Variants in PTPRD observed in about 807,000 individuals in gnomAD.
The protein encoded by PTPRD is protein tyrosine phosphatase receptor type D, also known as receptor-type tyrosine-protein phosphatase delta.
PTPRD carries 34 observed loss-of-function variants against 214.5 expected under a neutral mutation model. The observed-to-expected ratio is 0.16, with a 90% CI of 0.12 to 0.21. The LOEUF (loss-of-function observed/expected upper bound fraction) is 0.21, where lower values mean the gene tolerates loss of function less well. Ranked by LOEUF, PTPRD falls within the 10% of genes least tolerant of loss-of-function variation. The pLI, the probability that PTPRD is intolerant of heterozygous loss-of-function variation, is 1.00. For missense variants in PTPRD, 2,545 were observed against 2,398.7 expected (o/e 1.06, Z -1.27); for synonymous variants, 1,128 against 845.7 (o/e 1.33, Z -5.79).
intron 5 of PTPRD, among the ~76,000 whole-genome samples, chr9:9,902,193 G>C (rs189228918): frequency 6.6e-6 from 1 of 151,402 alleles, no homozygotes; most frequent in South Asian, 2.1e-4. Context: ...TTGTGTGTAC[G>C]TGCATCAGCG....
Position 10,332,425 on chromosome 9 carries a change from G to A in PTPRD, c.-545+8538C>T, listed in dbSNP as rs541040819. Among the ~76,000 whole-genome samples the A allele has an allele frequency of 1.7e-4, 26 of 151,868 alleles. No individual in the cohort carries two copies. In the East Asian group the frequency reaches 4.3e-3, roughly 25 times the overall value. The stretch of plus-strand genomic sequence containing the variant: ...TCCTCAAAACAGCTTTCAGCAGTAG[G>A]AATTATCTTCACTTCCCTGATCATA... On this transcript the variant is annotated intron_variant, in intron 3 of 45. Coordinates refer to ENST00000381196, the MANE Select transcript of PTPRD (RefSeq NM_002839.4).
chr9:8,799,299 G>C (rs2096521933), intron 11 of PTPRD, among the ~76,000 whole-genome samples: 1 of 152,176 alleles, frequency 6.6e-6, no homozygotes, highest in African/African-American at 2.4e-5. Flanking sequence ...ATGCTAGAAA[G>C]TGTTTCAGTT....
intron 8 of PTPRD, among the ~76,000 whole-genome samples, chr9:9,501,080 G>GA (rs1488122309): frequency 6.6e-6 from 1 of 151,086 alleles, no homozygotes; most frequent in Non-Finnish European, 1.5e-5. Context: ...TTCAGGAGAG[G>GA]AAAAACAAGG....
chr9:8,913,472 C>G lies in PTPRD; in HGVS notation c.-104+105225G>C, dbSNP rs532935146. Among the ~76,000 whole-genome samples, 8 of 152,066 alleles carry G rather than the reference C, an allele frequency of 5.3e-5. No individual in the cohort carries two copies. The South Asian group carries it at 1.5e-3, about 28-fold the overall frequency. ...TTTATATCAAGCCTCAAAAATCAAGCAAAGTATATTATTTACAGATGAGGG... is the reference window on the plus strand; with the variant it reads ...TTTATATCAAGCCTCAAAAATCAAGGAAAGTATATTATTTACAGATGAGGG... On this transcript the variant is annotated intron_variant, in intron 11 of 45. Transcript: ENST00000381196.
Position 9,245,394 on chromosome 9 carries a change from A to G in PTPRD, c.-202-62031T>C, listed in dbSNP as rs191229876. Reference sequence around the variant, plus strand: ...CAAATTTCCAACAATGATAGACTGGATTAAGAAAATGTGGCACATATACAC... The same window carrying G: ...CAAATTTCCAACAATGATAGACTGGGTTAAGAAAATGTGGCACATATACAC... On this transcript the variant is annotated intron_variant, in intron 9 of 45. Transcript: ENST00000381196. 3.8e-3 allele frequency among the ~76,000 whole-genome samples: 580 copies of G among 152,274 alleles called. 6 individuals are homozygous for G. The highest frequency in any genetic ancestry group is 0.013 in the African/African-American group (538 of 41,574).
In PTPRD at chr9:9,371,863, G is replaced by A. The variant is rs548135601; in HGVS notation, c.-203+25586C>T. ...ACATCTTTATTTCTGTCTTCATTTCGTTATGTACCCAGTAGTCTTTCAGGA... is the reference window on the plus strand; with the variant it reads ...ACATCTTTATTTCTGTCTTCATTTCATTATGTACCCAGTAGTCTTTCAGGA... On this transcript the variant is annotated intron_variant, in intron 9 of 45. Coordinates refer to ENST00000381196, the MANE Select transcript of PTPRD (RefSeq NM_002839.4). 5.3e-5 allele frequency among the ~76,000 whole-genome samples: 8 copies of A among 152,130 alleles called. No individual in the cohort carries two copies. In the South Asian group the frequency reaches 8.3e-4, roughly 16 times the overall value.
At chr9:8,467,034 G>C (rs185589268) in intron 31 of PTPRD, among the ~76,000 whole-genome samples, 7 of 151,936 alleles carry the variant, frequency 4.6e-5, no homozygotes, top group Admixed American at 2.0e-4. Context: ...TGTTCAGCTG[G>C]TTCAAAATTG....
chr9:9,391,437 T>C (rs2065810762), intron 9 of PTPRD, among the ~76,000 whole-genome samples: 1 of 152,200 alleles, frequency 6.6e-6, no homozygotes. Flanking sequence ...ATTTCTATCA[T>C]GACATTACCT....
At chr9:9,216,948 C>T (rs1016202307) in intron 9 of PTPRD, among the ~76,000 whole-genome samples, 1 of 151,394 alleles carries the variant, frequency 6.6e-6, no homozygotes, top group East Asian at 1.9e-4. Context: ...CTATTATTTC[C>T]CACATTGGGC....
chr9:10,417,976 A>C (rs562500166), intron 2 of PTPRD, among the ~76,000 whole-genome samples: 13 of 151,884 alleles, frequency 8.6e-5, no homozygotes, highest in Admixed American at 5.3e-4. Flanking sequence ...TTATTTATGG[A>C]GTTTAACAGA....
intron 6 of PTPRD, among the ~76,000 whole-genome samples, chr9:9,765,982 G>T (rs2098704033): frequency 6.6e-6 from 1 of 152,162 alleles, no homozygotes; most frequent in African/African-American, 2.4e-5. Flanking sequence ...TTATATGTTA[G>T]TTCAAGCAAT....
chr9:8,896,400 T>C (rs965205972), intron 11 of PTPRD, among the ~76,000 whole-genome samples: 3 of 152,172 alleles, frequency 2.0e-5, no homozygotes, highest in African/African-American at 7.2e-5. Context: ...GTTCATTTGC[T>C]GAAACTAATA....
intron 11 of PTPRD, among the ~76,000 whole-genome samples, chr9:8,981,317 A>G (rs1005164131): frequency 5.3e-5 from 8 of 152,012 alleles, no homozygotes; most frequent in Non-Finnish European, 1.0e-4. Flanking sequence ...ATTTAAGGGG[A>G]TGTCTACACA....
chr9:9,039,611 G>A (rs2099633013), intron 10 of PTPRD, among the ~76,000 whole-genome samples: 1 of 152,190 alleles, frequency 6.6e-6, no homozygotes, highest in Non-Finnish European at 1.5e-5. Flanking sequence ...GAAACTGCCT[G>A]GTCTATAAAG....
intron 35 of PTPRD, among the ~76,000 whole-genome samples, chr9:8,419,299 G>T (rs55743439): frequency 0.051 from 7,541 of 148,438 alleles, 609 homozygotes; most frequent in African/African-American, 0.18. Flanking sequence ...AAAGTAAACA[G>T]AATTTTATTC....
chr9:9,817,746 G>A (rs922105348), intron 5 of PTPRD, among the ~76,000 whole-genome samples: 1 of 152,186 alleles, frequency 6.6e-6, no homozygotes, highest in Non-Finnish European at 1.5e-5. Context: ...TAACTGTCCT[G>A]ATACAAGGGT....
chr9:10,156,371 T>G (rs2099093674), intron 3 of PTPRD, among the ~76,000 whole-genome samples: 1 of 152,172 alleles, frequency 6.6e-6, no homozygotes, highest in Non-Finnish European at 1.5e-5. Context: ...CTTCTTGATT[T>G]CTCCCTTAAT....
chr9:10,412,157 C>T (rs59720653), intron 2 of PTPRD, among the ~76,000 whole-genome samples: 2,369 of 151,658 alleles, frequency 0.016, 53 homozygotes, highest in African/African-American at 0.054. Context: ...AGACTAATTC[C>T]TCAACTTAAC....
intron 39 of PTPRD, among the ~76,000 whole-genome samples, chr9:8,351,652 C>G (rs752910345): frequency 6.8e-5 from 10 of 147,894 alleles, no homozygotes; most frequent in East Asian, 2.0e-4. Flanking sequence ...AGACTTAGTC[C>G]TGCCATCTGG....
Sources: allele counts gnomAD v4.1 joint callset (sites outside exome capture counted in the v4.1 genomes callset), GRCh38; gene constraint gnomAD v4.1.1; transcripts MANE v1.5; gene names NCBI Gene and HGNC (gene_info 2026-07-23, HGNC 2026-07-21).